PNLIP: variants seen among roughly 807,000 people sequenced by gnomAD.
PNLIP encodes pancreatic lipase, also known as pancreatic triacylglycerol lipase.
In PNLIP, 49 loss-of-function variants were observed where a neutral mutation model predicts 57.1. The observed-to-expected ratio is 0.86, with a 90% confidence interval of 0.68 to 1.09. The LOEUF is 1.09. Among genes scored for constraint, PNLIP ranks in the 50% least tolerant of loss-of-function variants. The pLI is 0.00. For synonymous variants in PNLIP, 209 were observed against 200.4 expected (o/e 1.04, Z -0.36); for missense variants, 503 against 570.2 (o/e 0.88, Z 1.20).
intron 4 of PNLIP, 148 bp from the exon 5 acceptor site, chr10:116,550,950 A>C (rs1193494568): frequency 8.8e-6 from 5 of 567,498 alleles, no homozygotes; most frequent in Non-Finnish European, 1.5e-5. Flanking sequence ...ATATATCTAT[A>C]ACAGACTAAA....
chr10:116,561,567 A>G lies in PNLIP; in HGVS notation c.1265A>G (p.Asn422Ser). The change falls in exon 12 of 13, where the codon AAT becomes AGT. Residue 422 changes from asparagine to serine, a missense_variant. Coordinates refer to ENST00000369221, the MANE Select transcript of PNLIP (RefSeq NM_000936.4). ...ATGGTTAAATTTATTTGGTATAACA[A>G]TGTGATCAACCCAACTTTACCTAGA... ...LQMVKFIWYN[N>S]VINPTLPRVG... The G allele has an allele frequency of 6.2e-7, 1 of 1,613,814 alleles. No homozygotes were observed. The highest frequency in any genetic ancestry group is 8.5e-7 in the Non-Finnish European group (1 of 1,179,796).
intron 4 of PNLIP, among the ~76,000 whole-genome samples, chr10:116,550,518 A>G (rs1589554861): frequency 6.6e-6 from 1 of 152,204 alleles, no homozygotes; most frequent in African/African-American, 2.4e-5. Flanking sequence ...GTGAAATATT[A>G]ATAACTCTTT....
rs1847119150 is a variant in PNLIP, at chr10:116,546,044, A to G, written c.1-49A>G. The G allele has an allele frequency of 1.9e-6, 3 of 1,567,614 alleles. No individual in the cohort carries two copies. In the East Asian group the frequency reaches 6.7e-5, roughly 35 times the overall value. On this transcript the variant is annotated intron_variant, in intron 1 of 12. Coordinates refer to ENST00000369221, the MANE Select transcript of PNLIP (RefSeq NM_000936.4). ...GGTCTAAATGAACTAAAACTTGCCGATCTTTTAAAAACTTAGCCAGACTCA... is the reference window on the plus strand; with the variant it reads ...GGTCTAAATGAACTAAAACTTGCCGGTCTTTTAAAAACTTAGCCAGACTCA...
intron 5 of PNLIP, among the ~76,000 whole-genome samples, chr10:116,552,949 T>C (rs538799616): frequency 2.0e-5 from 3 of 152,044 alleles, no homozygotes; most frequent in South Asian, 2.1e-4. Context: ...ATGAACTGAG[T>C]GTAGAGTAAT....
intron 12 of PNLIP, among the ~76,000 whole-genome samples, chr10:116,565,987 T>G (rs1377879031): frequency 1.3e-5 from 2 of 152,172 alleles, no homozygotes; most frequent in Non-Finnish European, 2.9e-5. Context: ...TTTTGTATTT[T>G]TAGTTGAGAC....
Position 116,561,549 on chromosome 10 carries a change from A to C in PNLIP, c.1247A>C (p.Lys416Thr). 6.2e-7 allele frequency: 1 copy of C among 1,613,828 alleles called. No individual in the cohort carries two copies. Among genetic ancestry groups the C allele is most frequent in the Non-Finnish European group, 8.5e-7 (1 of 1,179,778 alleles). The change falls in exon 12 of 13, where the codon AAA (lysine) becomes ACA (threonine). Residue 416 changes from lysine to threonine, a missense_variant. By Grantham distance (78) the Lys-to-Thr change is moderately conservative. Coordinates refer to ENST00000369221, the MANE Select transcript of PNLIP (RefSeq NM_000936.4). ...GATGTTGGGGACTTGCAGATGGTTA[A>C]ATTTATTTGGTATAACAATGTGATC... The part of the protein sequence containing the change: ...DVDVGDLQMV[K>T]FIWYNNVINP...
chr10:116,550,704 T>C (rs1439297322), intron 4 of PNLIP, among the ~76,000 whole-genome samples: 1 of 152,232 alleles, frequency 6.6e-6, no homozygotes. Flanking sequence ...ACACTGAGGC[T>C]ATACCAGTGG....
intron 2 of PNLIP, 83 bp downstream of exon 2, chr10:116,546,221 G>A (rs945144073): frequency 5.2e-5 from 60 of 1,145,078 alleles, no homozygotes; most frequent in African/African-American, 4.7e-4. Context: ...AATTCAGGCC[G>A]CAGTAATAAC....
At chr10:116,566,260 A>G (rs184957753) in intron 12 of PNLIP, among the ~76,000 whole-genome samples, 316 of 152,368 alleles carry the variant, frequency 2.1e-3, no homozygotes, top group African/African-American at 7.2e-3. Flanking sequence ...TACACTCAAC[A>G]ATATGGATGA....
At chr10:116,567,275 C>T (rs991757148) in intron 12 of PNLIP, among the ~76,000 whole-genome samples, 2 of 149,272 alleles carry the variant, frequency 1.3e-5, no homozygotes, top group Non-Finnish European at 3.0e-5. Flanking sequence ...TTATTTGATC[C>T]ACACAGGGAA....
chr10:116,567,680 A>G (rs1564728976), intron 12 of PNLIP, 55 bp from the exon 13 acceptor site: 2 of 1,441,984 alleles, frequency 1.4e-6, no homozygotes, highest in Non-Finnish European at 2.0e-6. Context: ...TCACTGTCAC[A>G]CTCCAGATAT....
At chr10:116,556,228 TATAC>T (rs1259015858) in intron 9 of PNLIP, 110 bp downstream of exon 9, 11 of 669,792 alleles carry the variant, frequency 1.6e-5, no homozygotes, top group Non-Finnish European at 2.9e-5. Flanking sequence ...CTTTTGAACT[TATAC>T]ATGCCTTTAA....
In PNLIP at chr10:116,560,491, A is replaced by G. The variant is rs1310583259; in HGVS notation, c.1136A>G (p.Asn379Ser). Reference protein sequence around the residue: ...TGHILVSLFGNKGNSKQYEIF... With the variant: ...TGHILVSLFGSKGNSKQYEIF... ...CACATACTAGTTTCTTTGTTCGGAA[A>G]TAAAGGAAACTCTAAGCAGTATGAA... Residue 379 changes from asparagine to serine, a missense_variant, in exon 11 of 13, where the codon AAT becomes AGT. By Grantham distance (46) the Asn-to-Ser change is conservative (BLOSUM62 1). Coordinates refer to ENST00000369221, the MANE Select transcript of PNLIP (RefSeq NM_000936.4). 1.9e-6 allele frequency: 3 copies of G among 1,600,322 alleles called. No individual in the cohort carries two copies. The highest frequency in any genetic ancestry group is 2.2e-5 in the East Asian group (1 of 44,778).
chr10:116,563,759 A>T (rs1847337603), intron 12 of PNLIP, among the ~76,000 whole-genome samples: 1 of 152,184 alleles, frequency 6.6e-6, no homozygotes, highest in South Asian at 2.1e-4. Context: ...TGAAAAATAC[A>T]ATGTCACAAA....
intron 12 of PNLIP, among the ~76,000 whole-genome samples, chr10:116,566,360 A>G (rs187850592): frequency 1.3e-5 from 2 of 152,110 alleles, no homozygotes; most frequent in Admixed American, 1.3e-4. Context: ...AATTCAAACT[A>G]CTCTATAGTG....
In PNLIP at chr10:116,547,310, C is replaced by T. The variant is rs765217829; in HGVS notation, c.63C>T (p.Tyr21=). The change falls in exon 3 of 13, where the codon TAC becomes TAT. Residue 21 remains tyrosine, a synonymous_variant. Transcript: ENST00000369221. ...GGATTGCAGGAAAAGAAGTTTGCTA[C>T]GAAAGACTCGGCTGCTTCAGTGATG... The part of the protein sequence containing the change: ...LGAVAGKEVC[Y]ERLGCFSDDS... The T allele has an allele frequency of 2.0e-5, 32 of 1,613,872 alleles. No homozygotes were observed. The highest frequency in any genetic ancestry group is 3.3e-5 in the Admixed American group (2 of 59,998).
chr10:116,558,030 G>A (rs1270749373), intron 9 of PNLIP, among the ~76,000 whole-genome samples: 2 of 151,212 alleles, frequency 1.3e-5, no homozygotes, highest in Non-Finnish European at 2.9e-5. Context: ...CGAGGCAGGT[G>A]GATCAGGAAG....
chr10:116,563,211 T>G (rs1008280247), intron 12 of PNLIP, among the ~76,000 whole-genome samples: 17 of 152,150 alleles, frequency 1.1e-4, no homozygotes, highest in African/African-American at 3.9e-4. Flanking sequence ...AGATCCGAAG[T>G]GATTCAGATT....
At position 116,551,109 on chromosome 10, in the gene PNLIP, G is replaced by A. The variant is rs372668144; in HGVS notation, c.336G>A (p.Lys112=). Residue 112 remains lysine, a synonymous_variant, in exon 5 of 13, where the codon AAG becomes AAA. Coordinates refer to ENST00000369221, the MANE Select transcript of PNLIP (RefSeq NM_000936.4). ...GCCCCTTCCACCAGAATCTGTTCAA[G>A]GTGGAAAGTGTGAACTGTATCTGTG... ...WLANVCKNLF[K]VESVNCICVD... 6 of 1,597,378 alleles carry A rather than the reference G, an allele frequency of 3.8e-6. No individual in the cohort carries two copies. The African/African-American group carries it at 8.1e-5, about 21-fold the overall frequency.
Sources: gnomAD v4.1 joint callset for allele counts (sites outside exome capture counted in the v4.1 genomes callset) on GRCh38, gnomAD v4.1.1 for gene constraint, MANE v1.5 for transcripts, NCBI Gene and HGNC (gene_info 2026-07-23, HGNC 2026-07-21) for gene names.